RERG: variants seen among roughly 807,000 people sequenced by gnomAD.
RERG encodes the protein ras-related and estrogen-regulated growth inhibitor.
Under a neutral mutation model 23.2 loss-of-function variants are expected in RERG, and 25 were observed. The ratio of observed to expected loss-of-function variants is 1.08; its 90% CI spans 0.79 to 1.50. The LOEUF (loss-of-function observed/expected upper bound fraction) is 1.50. RERG is among the 40% of genes most tolerant of loss of function. The pLI, the probability that RERG is intolerant of heterozygous loss-of-function variation, is 0.00. For synonymous variants in RERG, 81 were observed against 89.1 expected, an observed-to-expected ratio of 0.91 and a Z score of 0.51; for missense variants, 253 against 250.1, an observed-to-expected ratio of 1.01 and a Z score of -0.08.
chr12:15,208,743 T>C (rs560392967), intron 2 of RERG, among the ~76,000 whole-genome samples: 2 of 152,160 alleles, frequency 1.3e-5, no homozygotes, highest in Non-Finnish European at 2.9e-5. Flanking sequence ...TACACACATA[T>C]ATACATACAT....
Position 15,121,050 on chromosome 12 carries a change from A to G in RERG, c.118+13T>C, listed in dbSNP as rs1283382766. On this transcript the variant is annotated intron_variant, in intron 3 of 4. Coordinates refer to ENST00000256953, the MANE Select transcript of RERG (RefSeq NM_032918.3). ...TTTTATTGAAGAGGAGAAGGAAACA[A>G]AATTTGACCTACCGAGGGTGGGATC... is the stretch of plus-strand genomic sequence containing the variant. The G allele has an allele frequency of 6.2e-7, 1 of 1,602,990 alleles. No individual in the cohort carries two copies. The highest frequency in any genetic ancestry group is 8.5e-7 in the Non-Finnish European group (1 of 1,170,250).
chr12:15,208,756 ACATACATGTT>A (rs1865327634), intron 2 of RERG, among the ~76,000 whole-genome samples: 1 of 152,092 alleles, frequency 6.6e-6, no homozygotes, highest in African/African-American at 2.4e-5. Flanking sequence ...ACATACATGT[ACATACATGTT>A]AATTGAGAAA....
At chr12:15,128,685 T>C (rs911422101) in intron 2 of RERG, among the ~76,000 whole-genome samples, 1 of 152,228 alleles carries the variant, frequency 6.6e-6, no homozygotes, top group Admixed American at 6.5e-5. Context: ...GCTTGTGTTT[T>C]CTGGAAAAAC....
At chr12:15,197,049 T>C (rs1379731648) in intron 2 of RERG, among the ~76,000 whole-genome samples, 1 of 152,162 alleles carries the variant, frequency 6.6e-6, no homozygotes, top group East Asian at 1.9e-4. Flanking sequence ...TTCTAAAGCA[T>C]TTTCATGAAT....
intron 2 of RERG, among the ~76,000 whole-genome samples, chr12:15,175,385 G>GTT: frequency 7.1e-6 from 1 of 140,124 alleles, no homozygotes; most frequent in South Asian, 2.3e-4. Context: ...GTGTGTGTGT[G>GTT]TGTTGGGGCA....
rs925107564 is a variant in RERG at position 15,121,030 on chromosome 12, T to C, written c.118+33A>G. Reference sequence around the variant, plus strand: ...CTTTCTTTGGGGCCATAAATTTTTATTGAAGAGGAGAAGGAAACAAAATTT... The same window carrying C: ...CTTTCTTTGGGGCCATAAATTTTTACTGAAGAGGAGAAGGAAACAAAATTT... On this transcript the variant is annotated intron_variant, in intron 3 of 4. Transcript: ENST00000256953. 3.4e-6 allele frequency: 5 copies of C among 1,491,056 alleles called. No individual in the cohort carries two copies. The African/African-American group carries it at 4.2e-5, about 12-fold the overall frequency. The allele number at this position is 1,491,056 out of a possible 1,614,324, so 92.4% of individuals were successfully genotyped here. A position where few individuals can be genotyped will look rare whatever the true frequency, so the allele number is the denominator to read the frequency against.
intron 3 of RERG, among the ~76,000 whole-genome samples, chr12:15,118,872 A>G (rs1291209943): frequency 6.6e-6 from 1 of 152,100 alleles, no homozygotes; most frequent in Non-Finnish European, 1.5e-5. Context: ...TTCTTTATAA[A>G]CTACTCAGTC....
At chr12:15,145,320 G>A (rs1864313233) in intron 2 of RERG, among the ~76,000 whole-genome samples, 1 of 152,238 alleles carries the variant, frequency 6.6e-6, no homozygotes. Flanking sequence ...AAGAAGAAGA[G>A]AGAGACAGAG....
At chr12:15,112,685 T>C (rs1282430567) in intron 3 of RERG, among the ~76,000 whole-genome samples, 1 of 152,116 alleles carries the variant, frequency 6.6e-6, no homozygotes, top group Non-Finnish European at 1.5e-5. Flanking sequence ...TGTCAGTAAG[T>C]GTAAGTAAGT....
rs1863821821 is a variant in RERG at position 15,121,059 on chromosome 12, C to T, written c.118+4G>A. 6.2e-7 allele frequency: 1 copy of T among 1,608,680 alleles called. No individual in the cohort carries two copies. Among genetic ancestry groups the T allele is most frequent in the Non-Finnish European group, 8.5e-7 (1 of 1,175,402 alleles). On this transcript the variant is annotated splice_donor_region_variant and intron_variant, in intron 3 of 4. Coordinates refer to ENST00000256953, the MANE Select transcript of RERG (RefSeq NM_032918.3). ...AGAGGAGAAGGAAACAAAATTTGAC[C>T]TACCGAGGGTGGGATCATATTCCCA... is the stretch of plus-strand genomic sequence containing the variant.
At chr12:15,220,536 CTTAT>C (rs56259881) in intron 1 of RERG, among the ~76,000 whole-genome samples, 11,988 of 152,110 alleles carry the variant, frequency 0.079, 526 homozygotes, top group Non-Finnish European at 0.1. Context: ...TATTTACTTA[CTTAT>C]TTAAAGAAAG....
intron 2 of RERG, among the ~76,000 whole-genome samples, chr12:15,165,614 C>G (rs1052076827): frequency 6.6e-6 from 1 of 152,058 alleles, no homozygotes; most frequent in African/African-American, 2.4e-5. Flanking sequence ...ACTGGAGTAG[C>G]CTTAACTAAC....
chr12:15,219,177 A>G (rs1399567479), intron 1 of RERG, among the ~76,000 whole-genome samples: 1 of 151,766 alleles, frequency 6.6e-6, no homozygotes, highest in Non-Finnish European at 1.5e-5. Flanking sequence ...AAACACAAAT[A>G]TGTTATCTAA....
At chr12:15,217,264 G>C (rs1200670149) in intron 2 of RERG, 165 bp downstream of exon 2, 1 of 593,750 alleles carries the variant, frequency 1.7e-6, no homozygotes, top group African/African-American at 1.9e-5. Flanking sequence ...CGTAACAGTC[G>C]ATTACGCAAA....
intron 2 of RERG, among the ~76,000 whole-genome samples, chr12:15,165,747 C>G (rs1427482065): frequency 6.6e-6 from 1 of 152,196 alleles, no homozygotes; most frequent in African/African-American, 2.4e-5. Flanking sequence ...AACTATAACA[C>G]TCCAATTATG....
intron 2 of RERG, among the ~76,000 whole-genome samples, chr12:15,202,885 A>G (rs921713135): frequency 1.3e-5 from 2 of 151,792 alleles, no homozygotes; most frequent in African/African-American, 2.4e-5. Flanking sequence ...ACTGTTTTCC[A>G]TAGTGGTTGC....
Position 15,193,337 on chromosome 12 carries a change from A to G in RERG, c.61+24092T>C, listed in dbSNP as rs1279421334. The stretch of plus-strand genomic sequence containing the variant: ...CTGTTATTTATTTTGCTTAAACTGT[A>G]TAACTCCTGCCATGGGGAACTGTTT... On this transcript the variant is annotated intron_variant, in intron 2 of 4. Coordinates refer to ENST00000256953, the MANE Select transcript of RERG (RefSeq NM_032918.3). Among the ~76,000 whole-genome samples the G allele has an allele frequency of 3.3e-5, 5 of 152,256 alleles. No homozygotes were observed. In the South Asian group the frequency reaches 6.2e-4, roughly 19 times the overall value.
chr12:15,217,219 G>C, intron 2 of RERG: 1 of 525,270 alleles, frequency 1.9e-6, no homozygotes, highest in Middle Eastern at 2.9e-4. Context: ...TGTGTTATCA[G>C]CAAAGCTACT....
intron 2 of RERG, among the ~76,000 whole-genome samples, chr12:15,125,555 C>T (rs533576407): frequency 6.6e-6 from 1 of 152,040 alleles, no homozygotes; most frequent in South Asian, 2.1e-4. Context: ...CAATGACATA[C>T]ATTACCAAGC....
Sources: gnomAD v4.1 joint callset for allele counts (sites outside exome capture counted in the v4.1 genomes callset) on GRCh38, gnomAD v4.1.1 for gene constraint, MANE v1.5 for transcripts, NCBI Gene and HGNC (gene_info 2026-07-23, HGNC 2026-07-21) for gene names.